Variants in WASF1 observed in about 807,000 individuals in gnomAD.
The protein encoded by WASF1 is WASP family member 1.
Under a neutral mutation model 50.5 loss-of-function variants are expected in WASF1, and 7 were observed. That is an observed-to-expected ratio of 0.14 (90% CI 0.08 to 0.26). The LOEUF (loss-of-function observed/expected upper bound fraction) is 0.26. Ranked by LOEUF, WASF1 falls within the 10% of genes least tolerant of loss-of-function variation. The pLI is 1.00. For missense variants in WASF1, 470 were observed against 694.7 expected (o/e 0.68, Z 3.64); for synonymous variants, 205 against 244.0 (o/e 0.84, Z 1.49).
rs77253039 is a variant in WASF1 at position 110,172,898 on chromosome 6, C to T, written c.-127+5700G>A. On this transcript the variant is annotated intron_variant, in intron 2 of 10. Transcript: ENST00000392589. ...AATATATCCATGTAACTAAACTGTA[C>T]GTGTACCCTCTAAATCTATAAAAAT... is the stretch of plus-strand genomic sequence containing the variant. Among the ~76,000 whole-genome samples, 1,172 of 152,190 alleles carry T rather than the reference C, an allele frequency of 7.7e-3. 13 individuals are homozygous for T. Among genetic ancestry groups the T allele is most frequent in the African/African-American group, 0.027 (1,108 of 41,538 alleles).
intron 4 of WASF1, among the ~76,000 whole-genome samples, chr6:110,124,184 C>G (rs920594388): frequency 1.4e-5 from 2 of 139,676 alleles, no homozygotes; most frequent in African/African-American, 5.6e-5. Context: ...AACCCAGCCC[C>G]ATCAGCGTCT....
intron 3 of WASF1, among the ~76,000 whole-genome samples, chr6:110,132,168 T>C (rs1164346199): frequency 6.6e-6 from 1 of 152,100 alleles, no homozygotes; most frequent in Non-Finnish European, 1.5e-5. Context: ...TATATATTGT[T>C]GTATATATAG....
At chr6:110,150,138 G>A (rs998031717) in intron 3 of WASF1, among the ~76,000 whole-genome samples, 1 of 152,082 alleles carries the variant, frequency 6.6e-6, no homozygotes, top group South Asian at 2.1e-4. Context: ...ATTCCCAGAT[G>A]ACTACTTCCT....
At chr6:110,124,608 C>T (rs189534088) in intron 4 of WASF1, among the ~76,000 whole-genome samples, 18 of 152,044 alleles carry the variant, frequency 1.2e-4, no homozygotes, top group Non-Finnish European at 2.4e-4. Flanking sequence ...AAAAATCTCA[C>T]AAAAAACAGA....
At chr6:110,117,329 A>G (rs1773858599) in intron 4 of WASF1, among the ~76,000 whole-genome samples, 1 of 152,240 alleles carries the variant, frequency 6.6e-6, no homozygotes, top group East Asian at 1.9e-4. Flanking sequence ...GACCTGATGG[A>G]GCTGAAAACC....
intron 3 of WASF1, among the ~76,000 whole-genome samples, chr6:110,134,884 G>GTT (rs201994950): frequency 2.6e-5 from 4 of 151,770 alleles, no homozygotes; most frequent in Non-Finnish European, 4.4e-5. Context: ...AATTTTGGGA[G>GTT]TTTTTTTTCT....
chr6:110,128,722 A>AC (rs1489144949), intron 3 of WASF1, among the ~76,000 whole-genome samples: 3 of 152,016 alleles, frequency 2.0e-5, no homozygotes, highest in Non-Finnish European at 2.9e-5. Flanking sequence ...GGACTCCCCA[A>AC]CCCCCCAGCT....
chr6:110,121,305 T>A (rs537328886), intron 4 of WASF1, among the ~76,000 whole-genome samples: 1 of 151,958 alleles, frequency 6.6e-6, no homozygotes, highest in South Asian at 2.1e-4. Context: ...AGGCTTAATA[T>A]CCAGAATCTA....
At chr6:110,147,433 T>C (rs1775624224) in intron 3 of WASF1, among the ~76,000 whole-genome samples, 2 of 151,478 alleles carry the variant, frequency 1.3e-5, no homozygotes, top group South Asian at 2.1e-4. Context: ...AAATAACACA[T>C]TGCTAAGCAA....
At chr6:110,113,949 A>G (rs1416254780) in intron 4 of WASF1, among the ~76,000 whole-genome samples, 1 of 152,218 alleles carries the variant, frequency 6.6e-6, no homozygotes, top group East Asian at 1.9e-4. Context: ...AGTCAAGAGA[A>G]ATATAAAGAA....
intron 3 of WASF1, among the ~76,000 whole-genome samples, chr6:110,141,130 GA>G (rs1207907382): frequency 6.6e-6 from 1 of 152,100 alleles, no homozygotes; most frequent in East Asian, 1.9e-4. Flanking sequence ...ATGAAAGGGG[GA>G]CTATTGCATT....
chr6:110,124,274 C>CTCTCTATATATA (rs1331534646), intron 4 of WASF1, among the ~76,000 whole-genome samples: 7 of 20,502 alleles, frequency 3.4e-4, no homozygotes, highest in Admixed American at 7.4e-4. Context: ...CTCTCTCTCT[C>CTCTCTATATATA]TATATATATA....
chr6:110,169,200 CAAACTT>C (rs937624960), intron 2 of WASF1, among the ~76,000 whole-genome samples: 7 of 152,108 alleles, frequency 4.6e-5, no homozygotes, highest in Non-Finnish European at 1.0e-4. Context: ...ATTACTTACA[CAAACTT>C]AAACAATCAA....
At chr6:110,155,551 T>A (rs1344697225) in intron 3 of WASF1, among the ~76,000 whole-genome samples, 1 of 119,296 alleles carries the variant, frequency 8.4e-6, no homozygotes, top group Non-Finnish European at 1.7e-5. Flanking sequence ...TTTTTTTTTT[T>A]TTTTTTTTTT....
chr6:110,128,912 C>T (rs1035220303), intron 3 of WASF1, among the ~76,000 whole-genome samples: 1 of 152,162 alleles, frequency 6.6e-6, no homozygotes, highest in Non-Finnish European at 1.5e-5. Context: ...AGGTTGCATG[C>T]TCCTTATGAG....
At chr6:110,159,356 C>A (rs1404547978) in intron 3 of WASF1, among the ~76,000 whole-genome samples, 2 of 151,886 alleles carry the variant, frequency 1.3e-5, no homozygotes, top group Non-Finnish European at 2.9e-5. Flanking sequence ...CTAGACTAAG[C>A]TCCATGCATA....
chr6:110,130,776 T>G (rs1774629181), intron 3 of WASF1, among the ~76,000 whole-genome samples: 1 of 152,230 alleles, frequency 6.6e-6, no homozygotes, highest in South Asian at 2.1e-4. Context: ...TAGGAAATGA[T>G]GCCAAACTGT....
At chr6:110,145,795 C>T (rs1775530594) in intron 3 of WASF1, among the ~76,000 whole-genome samples, 1 of 151,992 alleles carries the variant, frequency 6.6e-6, no homozygotes, top group Admixed American at 6.6e-5. Flanking sequence ...GAATATTATG[C>T]AGTCATAAAA....
At chr6:110,166,698 T>A (rs561089354) in intron 2 of WASF1, among the ~76,000 whole-genome samples, 121 of 151,720 alleles carry the variant, frequency 8.0e-4, no homozygotes, top group African/African-American at 2.8e-3. Context: ...GAGTACAGAG[T>A]CTGACCACAG....
Sources: gnomAD v4.1 joint callset for allele counts (sites outside exome capture counted in the v4.1 genomes callset) on GRCh38, gnomAD v4.1.1 for gene constraint, MANE v1.5 for transcripts, NCBI Gene and HGNC (gene_info 2026-07-23, HGNC 2026-07-21) for gene names.